PDE6B: variants seen among roughly 807,000 people sequenced by gnomAD.
PDE6B encodes the protein phosphodiesterase 6B.
PDE6B carries 106 observed loss-of-function variants against 109.0 expected under a neutral mutation model. The observed-to-expected ratio is 0.97, with a 90% confidence interval of 0.83 to 1.14. The LOEUF (loss-of-function observed/expected upper bound fraction) is 1.14. Among genes scored for constraint, PDE6B ranks in the 50% most tolerant of loss-of-function variants. The pLI is 0.00. For missense variants in PDE6B, 1,193 were observed against 1,155.6 expected (o/e 1.03, Z -0.47); for synonymous variants, 490 against 471.3 (o/e 1.04, Z -0.51).
In PDE6B at chr4:630,050, C is replaced by A. The variant is rs372738085; in HGVS notation, c.468+3956C>A. Among the ~76,000 whole-genome samples, 12 of 152,196 alleles carry A rather than the reference C, an allele frequency of 7.9e-5. No homozygotes were observed. In the South Asian group the frequency reaches 2.5e-3, roughly 32 times the overall value. On this transcript the variant is annotated intron_variant, in intron 1 of 21. Transcript: ENST00000496514. ...CAGTGGAGAGGAAGAGACCAGCAGG[C>A]AAGGACCCCCCGGCCAGGCATCACT...
intron 11 of PDE6B, 64 bp from the exon 12 acceptor site, chr4:660,403 A>G (rs931995146): frequency 1.3e-6 from 2 of 1,528,994 alleles, no homozygotes; most frequent in African/African-American, 1.4e-5. Flanking sequence ...GAGAGAAGAA[A>G]GGATGAGAAG....
chr4:659,329 CG>C (rs1435383654), intron 11 of PDE6B, among the ~76,000 whole-genome samples: 2 of 152,150 alleles, frequency 1.3e-5, no homozygotes, highest in Non-Finnish European at 2.9e-5. Context: ...TAGTTTTCAC[CG>C]GATGTTTAGT....
At chr4:631,264 G>T (rs1292602598) in intron 1 of PDE6B, among the ~76,000 whole-genome samples, 2 of 152,340 alleles carry the variant, frequency 1.3e-5, no homozygotes, top group East Asian at 3.9e-4. Context: ...AACGTGTGGG[G>T]CAGAGAGAAG....
intron 1 of PDE6B, among the ~76,000 whole-genome samples, chr4:629,288 G>GC (rs1265786910): frequency 6.6e-6 from 1 of 152,190 alleles, no homozygotes; most frequent in African/African-American, 2.4e-5. Flanking sequence ...GAAGCCACCA[G>GC]CCCCCCCATC....
intron 1 of PDE6B, among the ~76,000 whole-genome samples, chr4:628,353 G>A (rs1040179652): frequency 2.0e-5 from 3 of 152,234 alleles, no homozygotes; most frequent in Non-Finnish European, 4.4e-5. Context: ...GTTCAGGAGA[G>A]CAGCTCGTGG....
In PDE6B at chr4:644,919, T is replaced by C. The variant is rs1383250257; in HGVS notation, c.712-8933T>C. Among the ~76,000 whole-genome samples, 3 of 152,068 alleles carry C rather than the reference T, an allele frequency of 2.0e-5. No homozygotes were observed. In the East Asian group the frequency reaches 5.8e-4, roughly 29 times the overall value. The stretch of plus-strand genomic sequence containing the variant: ...ATAGAGGGTACTAAGTCTCCAACAG[T>C]AGTGGAGGATGCGTCTCTCCTTACA... On this transcript the variant is annotated intron_variant, in intron 3 of 21. Coordinates refer to ENST00000496514, the MANE Select transcript of PDE6B (RefSeq NM_000283.4).
Position 663,462 on chromosome 4 carries a change from G to C in PDE6B, c.1920+275G>C, listed in dbSNP as rs1737371202. Among the ~76,000 whole-genome samples, 1 of 152,200 alleles carries C rather than the reference G, an allele frequency of 6.6e-6. No homozygotes were observed. The highest frequency in any genetic ancestry group is 6.5e-5 in the Admixed American group (1 of 15,292). ...GGAAGCGGCCCGGGACCCACCAGCGGGGGAATGAAGGGCAGCCGAGCCCTG... is the reference window on the plus strand; with the variant it reads ...GGAAGCGGCCCGGGACCCACCAGCGCGGGAATGAAGGGCAGCCGAGCCCTG... On this transcript the variant is annotated intron_variant, in intron 15 of 21. Transcript: ENST00000496514. This position sits in a 1 kb window ranked among gnomAD's most constrained non-coding sequence, Gnocchi z 4.0.
intron 3 of PDE6B, chr4:653,078 C>A: frequency 1.7e-6 from 1 of 605,134 alleles, no homozygotes; most frequent in Non-Finnish European, 2.1e-6. Flanking sequence ...CATCTCACTG[C>A]CCTTGGCAAC....
chr4:655,651 CAGAGA>C, intron 6 of PDE6B: 1 of 528,782 alleles, frequency 1.9e-6, no homozygotes, highest in Non-Finnish European at 3.4e-6. Context: ...CCCTGGCACT[CAGAGA>C]AGAGAGTAAA....
chr4:663,282 C>G lies in PDE6B; in HGVS notation c.1920+95C>G. ...TATCCTGCGGAGCAGGGTTCTGATG[C>G]AGCGGGTGAGCACTGGGTGTGTGAG... is the stretch of plus-strand genomic sequence containing the variant. On this transcript the variant is annotated intron_variant, in intron 15 of 21. Coordinates refer to ENST00000496514, the MANE Select transcript of PDE6B (RefSeq NM_000283.4). This position sits in a 1 kb window ranked among gnomAD's most constrained non-coding sequence, Gnocchi z 4.0. 4 of 796,370 alleles carry G rather than the reference C, an allele frequency of 5.0e-6. No homozygotes were observed. The Middle Eastern group carries it at 7.0e-4, about 139-fold the overall frequency. 49.3% of individuals were successfully genotyped at this position (796,370 alleles called of 1,614,324 possible).
At chr4:661,890 G>A in intron 12 of PDE6B, 1 of 551,084 alleles carries the variant, frequency 1.8e-6, no homozygotes, top group Non-Finnish European at 3.3e-6. Flanking sequence ...CTGAAGGCTG[G>A]GGCTGTTCTC....
At position 626,106 on chromosome 4, in the gene PDE6B, C is replaced by A; in HGVS notation, c.468+12C>A. On this transcript the variant is annotated intron_variant, in intron 1 of 21. Coordinates refer to ENST00000496514, the MANE Select transcript of PDE6B (RefSeq NM_000283.4). This position sits in a 1 kb window ranked among gnomAD's most constrained non-coding sequence, Gnocchi z 4.6. ...AGGACGTGGCCGAGGTGGGTCTGTG[C>A]GGAGCCTCAGGGAGGCGGCTGTGTG... The A allele has an allele frequency of 6.6e-7, 1 of 1,513,898 alleles. No individual in the cohort carries two copies. The highest frequency in any genetic ancestry group is 9.0e-7 in the Non-Finnish European group (1 of 1,108,510). The allele number at this position is 1,513,898 out of a possible 1,614,324, so 93.8% of individuals were successfully genotyped here.
intron 1 of PDE6B, among the ~76,000 whole-genome samples, chr4:629,315 T>C (rs1734267287): frequency 6.6e-6 from 1 of 152,210 alleles, no homozygotes; most frequent in Admixed American, 6.5e-5. Flanking sequence ...TTGTGGCTCC[T>C]CAGACCTGCA....
chr4:655,694 C>T, intron 6 of PDE6B: 1 of 602,384 alleles, frequency 1.7e-6, no homozygotes, highest in Non-Finnish European at 3.0e-6. Flanking sequence ...GAGCCAGAGA[C>T]CCCCAGACCC....
In PDE6B at chr4:660,583, C is replaced by A. The variant is rs145273613; in HGVS notation, c.1584C>A (p.Gly528=). The change falls in exon 12 of 22, where the codon GGC becomes GGA. Residue 528 remains glycine, a synonymous_variant. Coordinates refer to ENST00000496514, the MANE Select transcript of PDE6B (RefSeq NM_000283.4). ...KCGIQMYYEL[G]VVRKFQIPQE... ...GCATCCAGATGTACTACGAGCTGGG[C>A]GTGGTCCGAAAGTTCCAGATCCCCC... The A allele has an allele frequency of 1.3e-5, 21 of 1,613,624 alleles. No individual in the cohort carries two copies. Among genetic ancestry groups the A allele is most frequent in the Non-Finnish European group, 1.8e-5 (21 of 1,179,920 alleles).
rs1369007992 is a variant in PDE6B, at chr4:626,324, G to A, written c.468+230G>A. On this transcript the variant is annotated intron_variant, in intron 1 of 21. Coordinates refer to ENST00000496514, the MANE Select transcript of PDE6B (RefSeq NM_000283.4). This position sits in a 1 kb window ranked among gnomAD's most constrained non-coding sequence, Gnocchi z 4.6. ...CAAGCTGACATCGCATGGCCACTGA[G>A]TTGGTTAGACCTGAGTCTAGGAGCC... is the stretch of plus-strand genomic sequence containing the variant. 6.6e-6 allele frequency among the ~76,000 whole-genome samples: 1 copy of A among 152,242 alleles called. No homozygotes were observed. The highest frequency in any genetic ancestry group is 1.9e-4 in the East Asian group (1 of 5,198).
chr4:646,010 CTAT>C (rs1173992446), intron 3 of PDE6B, among the ~76,000 whole-genome samples: 1 of 151,974 alleles, frequency 6.6e-6, no homozygotes, highest in Non-Finnish European at 1.5e-5. Flanking sequence ...GAACAAATAG[CTAT>C]TATTAGAGAA....
rs527322755 is a variant in PDE6B, at chr4:656,894, C to T, written c.1128C>T (p.Ser376=). The change falls in exon 9 of 22, where the codon TCC becomes TCT. Residue 376 remains serine (S), a synonymous_variant. Transcript: ENST00000496514. ...CGCAGGAAGGGGCCCTGGACGACTC[C>T]GGGTGGCTCATCAAGAATGTGCTGT... ...FKFQEGALDD[S]GWLIKNVLSM... The T allele has an allele frequency of 1.6e-5, 26 of 1,612,842 alleles. 1 individual carries two copies. The highest frequency in any genetic ancestry group is 1.6e-4 in the Middle Eastern group (1 of 6,062).
intron 5 of PDE6B, 74 bp downstream of exon 5, chr4:654,228 A>T: frequency 1.0e-5 from 12 of 1,160,640 alleles, no homozygotes; most frequent in East Asian, 2.5e-5. Flanking sequence ...AGGGCAGGAG[A>T]GGGAGGGATA....
Sources: gnomAD v4.1 joint callset for allele counts (sites outside exome capture counted in the v4.1 genomes callset) on GRCh38, gnomAD v4.1.1 for gene constraint, Gnocchi (gnomAD v3.1) non-coding constraint, MANE v1.5 for transcripts, NCBI Gene and HGNC (gene_info 2026-07-23, HGNC 2026-07-21) for gene names.